The following GALNT13 variants were observed in gnomAD, a reference collection of about 807,000 sequenced individuals.
GALNT13 encodes polypeptide N-acetylgalactosaminyltransferase 13, also known as UDP-GalNAc:polypeptide N-acetylgalactosaminyltransferase 13.
A neutral mutation model predicts 64.2 loss-of-function variants in GALNT13; 28 were observed. That is an observed-to-expected ratio of 0.44 (90% CI 0.32 to 0.60). GALNT13 has a LOEUF of 0.60. Among genes scored for constraint, GALNT13 ranks in the 20% least tolerant of loss-of-function variants. The pLI, the probability that GALNT13 is intolerant of heterozygous loss-of-function variation, is 0.05. For synonymous variants in GALNT13, 214 were observed against 224.6 expected (o/e 0.95, Z 0.42); for missense variants, 577 against 669.8 (o/e 0.86, Z 1.53).
chr2:153,674,487 T>G, the GALNT13 span, among the ~76,000 whole-genome samples: 1 of 152,218 alleles, frequency 6.6e-6, no homozygotes, highest in Non-Finnish European at 1.5e-5. Flanking sequence ...CTGGGAAAAC[T>G]GGCTAGCCAA....
intron 3 of GALNT13, among the ~76,000 whole-genome samples, chr2:154,124,078 A>G (rs1172576246): frequency 6.6e-6 from 1 of 152,090 alleles, no homozygotes; most frequent in African/African-American, 2.4e-5. Flanking sequence ...GCCAAGAATT[A>G]GCATTAAATT....
intron 3 of GALNT13, among the ~76,000 whole-genome samples, chr2:154,110,333 A>G (rs1702893683): frequency 1.5e-5 from 1 of 68,706 alleles, no homozygotes; most frequent in Non-Finnish European, 2.6e-5. Flanking sequence ...ATATATATAT[A>G]TATAGAGAGA....
At chr2:153,837,075 A>G in the GALNT13 span, among the ~76,000 whole-genome samples, 1 of 148,488 alleles carries the variant, frequency 6.7e-6, no homozygotes, top group African/African-American at 2.5e-5. Context: ...TCCCTGGGGA[A>G]TCGCCACACT....
At position 154,159,411 on chromosome 2, in the gene GALNT13, A is replaced by G. The variant is rs917939052; in HGVS notation, c.311+18906A>G. On this transcript the variant is annotated intron_variant, in intron 4 of 12. Coordinates refer to ENST00000392825, the MANE Select transcript of GALNT13 (RefSeq NM_052917.4). ...CAGCCTCCTAAAGTGCTGGGATTAC[A>G]GGCATGAGACACCGTGCCTGGCCAA... 3.9e-5 allele frequency among the ~76,000 whole-genome samples: 6 copies of G among 152,290 alleles called. No individual in the cohort carries two copies. The East Asian group carries it at 1.2e-3, about 29-fold the overall frequency.
At chr2:153,359,004 A>C in the GALNT13 span, among the ~76,000 whole-genome samples, 2 of 152,220 alleles carry the variant, frequency 1.3e-5, no homozygotes, top group Admixed American at 6.5e-5. Context: ...AAATCCTTTC[A>C]CAACCTGCTA....
At chr2:153,284,224 C>G in the GALNT13 span, among the ~76,000 whole-genome samples, 1 of 152,264 alleles carries the variant, frequency 6.6e-6, no homozygotes, top group South Asian at 2.1e-4. Context: ...CAGACCTGTT[C>G]TGTATTGCCG....
At chr2:154,442,004 A>G (rs1400024144) in intron 12 of GALNT13, among the ~76,000 whole-genome samples, 1 of 152,096 alleles carries the variant, frequency 6.6e-6, no homozygotes, top group Non-Finnish European at 1.5e-5. Context: ...CTACTACACT[A>G]CATTGCCTCT....
the GALNT13 span, among the ~76,000 whole-genome samples, chr2:153,498,770 G>A: frequency 4.6e-5 from 7 of 152,296 alleles, no homozygotes; most frequent in East Asian, 1.4e-3. Context: ...CTGAAATGCG[G>A]TGAGCAGGGT....
chr2:154,178,520 A>G (rs1559007588), intron 4 of GALNT13, among the ~76,000 whole-genome samples: 1 of 152,174 alleles, frequency 6.6e-6, no homozygotes, highest in Admixed American at 6.5e-5. Flanking sequence ...TATATATGTA[A>G]CAAACCTGCA....
chr2:153,221,127 C>T, the GALNT13 span, among the ~76,000 whole-genome samples: 4 of 152,162 alleles, frequency 2.6e-5, no homozygotes, highest in South Asian at 2.1e-4. Flanking sequence ...ATCCTGCACA[C>T]GTACCCCTGA....
chr2:153,761,871 C>T, the GALNT13 span: 1 of 158,334 alleles, frequency 6.3e-6, no homozygotes, highest in South Asian at 1.9e-4. Context: ...TAGACATAAA[C>T]TAGTCTTCTT....
At chr2:153,671,413 A>T in the GALNT13 span, among the ~76,000 whole-genome samples, 1 of 152,102 alleles carries the variant, frequency 6.6e-6, no homozygotes, top group Non-Finnish European at 1.5e-5. Flanking sequence ...TCTTAAAGAA[A>T]GGAATTTTCA....
chr2:153,309,276 G>A, the GALNT13 span, among the ~76,000 whole-genome samples: 80 of 152,310 alleles, frequency 5.3e-4, 3 homozygotes, highest in Admixed American at 5.2e-3. Context: ...GCACACAAGT[G>A]TACCCTTTAG....
At chr2:153,876,899 C>G (rs546727451) in intron 1 of GALNT13, among the ~76,000 whole-genome samples, 6 of 152,186 alleles carry the variant, frequency 3.9e-5, no homozygotes, top group Non-Finnish European at 7.4e-5. Context: ...CCTTTAAGGG[C>G]TCAACTTCAT....
the GALNT13 span, among the ~76,000 whole-genome samples, chr2:153,498,672 C>G: frequency 6.6e-6 from 1 of 152,212 alleles, no homozygotes; most frequent in Non-Finnish European, 1.5e-5. Flanking sequence ...AACTGCAGAG[C>G]TCCAAAGAGG....
At chr2:153,555,395 C>T in the GALNT13 span, among the ~76,000 whole-genome samples, 3 of 108,962 alleles carry the variant, frequency 2.8e-5, 1 homozygote, top group African/African-American at 7.3e-5. Flanking sequence ...GGGGTTTCAC[C>T]GTGTTAGCCA....
chr2:153,174,256 A>G, the GALNT13 span, among the ~76,000 whole-genome samples: 1 of 152,194 alleles, frequency 6.6e-6, no homozygotes, highest in Non-Finnish European at 1.5e-5. Context: ...ACATATTTGC[A>G]TCCAAATAGT....
At chr2:153,706,543 C>T in the GALNT13 span, among the ~76,000 whole-genome samples, 2,668 of 152,294 alleles carry the variant, frequency 0.018, 86 homozygotes, top group African/African-American at 0.062. Flanking sequence ...CAAGGCCCTA[C>T]TCCTCAATCA....
the GALNT13 span, among the ~76,000 whole-genome samples, chr2:153,499,202 T>C: frequency 6.6e-6 from 1 of 152,114 alleles, no homozygotes; most frequent in Non-Finnish European, 1.5e-5. Flanking sequence ...CACAGACAAC[T>C]GGAGGACGAG....
Sources: allele counts gnomAD v4.1 joint callset (sites outside exome capture counted in the v4.1 genomes callset), GRCh38; gene constraint gnomAD v4.1.1; transcripts MANE v1.5; gene names NCBI Gene and HGNC (gene_info 2026-07-23, HGNC 2026-07-21).